CR1L: variants seen among roughly 807,000 people sequenced by gnomAD.
CR1L encodes the protein complement component receptor 1-like protein.
In CR1L, 59 loss-of-function variants were observed where a neutral mutation model predicts 62.3. The ratio of observed to expected loss-of-function variants is 0.95; its 90% CI spans 0.77 to 1.18. The LOEUF is 1.18. Among genes scored for constraint, CR1L ranks in the 50% most tolerant of loss-of-function variants. CR1L has a pLI of 0.00. For missense variants in CR1L, 700 were observed against 702.8 expected (o/e 1.00, Z 0.04); for synonymous variants, 279 against 248.7 (o/e 1.12, Z -1.15).
At chr1:207,662,199 G>A (rs1420234819) in intron 1 of CR1L, among the ~76,000 whole-genome samples, 1 of 152,142 alleles carries the variant, frequency 6.6e-6, no homozygotes, top group Non-Finnish European at 1.5e-5. Context: ...GGCCTGCCTT[G>A]CTAGACTGGG....
At chr1:207,668,308 A>G (rs1055570790) in intron 1 of CR1L, among the ~76,000 whole-genome samples, 1 of 151,230 alleles carries the variant, frequency 6.6e-6, no homozygotes, top group Non-Finnish European at 1.5e-5. Flanking sequence ...AAAATGTGGT[A>G]TATATACACA....
At chr1:207,688,390 G>C (rs1663945242) in intron 4 of CR1L, among the ~76,000 whole-genome samples, 1 of 152,116 alleles carries the variant, frequency 6.6e-6, no homozygotes, top group Non-Finnish European at 1.5e-5. Flanking sequence ...TGGTTTATTT[G>C]CCATACATTG....
intron 3 of CR1L, among the ~76,000 whole-genome samples, chr1:207,680,743 A>G (rs1159366104): frequency 2.6e-5 from 4 of 152,288 alleles, no homozygotes; most frequent in African/African-American, 9.6e-5. Flanking sequence ...CTGCCTTTTT[A>G]TCCTGTGAAT....
rs1326897771 is a variant in CR1L, at chr1:207,683,953, T to A, written c.459T>A (p.Cys153Ter). ...TTTGGGATAATAAAACACCTGTTTG[T>A]GACAGTGAGTTGAAATATGCATTCC... ...TVIWDNKTPVCDRIICGLPPT... is the reference protein window; with the variant it reads ...TVIWDNKTPV Residue 153 changes from cysteine (C) to a stop codon, truncating the protein, a stop_gained, in exon 4 of 12, where the codon TGT becomes TGA. Coordinates refer to ENST00000508064, the MANE Select transcript of CR1L (RefSeq NM_175710.2). LOFTEE classifies it high-confidence loss of function. 1.2e-6 allele frequency: 2 copies of A among 1,612,200 alleles called. No homozygotes were observed. The highest frequency in any genetic ancestry group is 1.7e-5 in the Admixed American group (1 of 60,000).
At chr1:207,705,279 T>C (rs1240900189) in intron 9 of CR1L, among the ~76,000 whole-genome samples, 2 of 152,350 alleles carry the variant, frequency 1.3e-5, no homozygotes, top group East Asian at 1.9e-4. Context: ...TCTGCAAAGA[T>C]TGTATTTCCA....
At chr1:207,687,196 G>A (rs533654504) in intron 4 of CR1L, among the ~76,000 whole-genome samples, 1 of 152,240 alleles carries the variant, frequency 6.6e-6, no homozygotes, top group East Asian at 1.9e-4. Flanking sequence ...CCAGCTGGTA[G>A]TGTTTCATAT....
Position 207,683,954 on chromosome 1 carries a change from G to A in CR1L, c.460G>A (p.Asp154Asn). Residue 154 changes from aspartate (D) to asparagine (N), a missense_variant, in exon 4 of 12, where the codon GAC becomes AAC. Asp to Asn is a conservative substitution (Grantham distance 23). Transcript: ENST00000508064. ...VIWDNKTPVC[D>N]RIICGLPPTI... ...TTGGGATAATAAAACACCTGTTTGT[G>A]ACAGTGAGTTGAAATATGCATTCCT... 3.1e-6 allele frequency: 5 copies of A among 1,612,066 alleles called. No individual in the cohort carries two copies. Among genetic ancestry groups the A allele is most frequent in the Non-Finnish European group, 4.2e-6 (5 of 1,178,586 alleles).
At position 207,717,638 on chromosome 1, in the gene CR1L, G is replaced by A. The variant is rs2102483767; in HGVS notation, c.1589G>A (p.Gly530Glu). The change falls in exon 11 of 12, where the codon GGG (glycine) becomes GAG (glutamate). Residue 530 changes from glycine to glutamate, a missense_variant. Physicochemically the swap from Gly to Glu is moderately conservative, Grantham distance 98. Coordinates refer to ENST00000508064, the MANE Select transcript of CR1L (RefSeq NM_175710.2). The part of the protein sequence containing the change: ...STIRRTSEPH[G>E]NGVWSSPAPR... ...ATCCGCCGCACAAGTGAACCTCATG[G>A]GAATGGGGTTTGGAGCAGCCCTGCC... 1 of 1,613,986 alleles carries A rather than the reference G, an allele frequency of 6.2e-7. No homozygotes were observed. The highest frequency in any genetic ancestry group is 8.5e-7 in the Non-Finnish European group (1 of 1,179,894).
rs1267860946 is a variant in CR1L at position 207,672,195 on chromosome 1, A to G, written c.98-5194A>G. Reference sequence around the variant, plus strand: ...ATTAAAAGTAAATGGGTAAAGATATACCATGCTAATGCTAGTCACAGAAAG... The same window carrying G: ...ATTAAAAGTAAATGGGTAAAGATATGCCATGCTAATGCTAGTCACAGAAAG... On this transcript the variant is annotated intron_variant, in intron 1 of 11. Coordinates refer to ENST00000508064, the MANE Select transcript of CR1L (RefSeq NM_175710.2). 2.7e-5 allele frequency among the ~76,000 whole-genome samples: 4 copies of G among 150,770 alleles called. 1 individual carries two copies. Among genetic ancestry groups the G allele is most frequent in the African/African-American group, 1.0e-4 (4 of 40,132 alleles).
chr1:207,721,489 A>G (rs1475433882), intron 11 of CR1L, among the ~76,000 whole-genome samples: 3 of 150,904 alleles, frequency 2.0e-5, no homozygotes, highest in Admixed American at 6.6e-5. Context: ...ATGTTTTCCA[A>G]TTTCATCCAT....
intron 4 of CR1L, among the ~76,000 whole-genome samples, chr1:207,691,897 G>C (rs1320747056): frequency 1.3e-5 from 2 of 152,328 alleles, no homozygotes; most frequent in South Asian, 4.1e-4. Context: ...AAATCAGGCA[G>C]CCTTCCAAGC....
At chr1:207,700,859 A>C (rs1664179084) in intron 8 of CR1L, among the ~76,000 whole-genome samples, 2 of 152,254 alleles carry the variant, frequency 1.3e-5, no homozygotes, top group African/African-American at 4.8e-5. Context: ...GTAACCCTTC[A>C]AAACGGTTAT....
At chr1:207,715,730 A>T (rs542041597) in intron 10 of CR1L, among the ~76,000 whole-genome samples, 1 of 151,520 alleles carries the variant, frequency 6.6e-6, no homozygotes, top group South Asian at 2.1e-4. Context: ...CTTTTTTGAG[A>T]CAGTTACCCA....
In CR1L at chr1:207,677,448, T is replaced by C. The variant is rs747900861; in HGVS notation, c.157T>C (p.Phe53Leu). 2.5e-6 allele frequency: 4 copies of C among 1,613,834 alleles called. No homozygotes were observed. In the South Asian group the frequency reaches 4.4e-5, roughly 18 times the overall value. ...FARPTNLTDD[F>L]EFPIGTYLNY... is the part of the protein sequence containing the mutation. Reference sequence around the variant, plus strand: ...CAGGCCTACCAACCTAACTGATGACTTTGAGTTTCCCATTGGGACATATCT... The same window carrying C: ...CAGGCCTACCAACCTAACTGATGACCTTGAGTTTCCCATTGGGACATATCT... The change falls in exon 2 of 12, where the codon TTT (phenylalanine) becomes CTT (leucine). Residue 53 changes from phenylalanine (F) to leucine (L), a missense_variant. Transcript: ENST00000508064.
chr1:207,645,221 T>C lies in CR1L; in HGVS notation c.-13T>C, dbSNP rs1472879715. On this transcript the variant is annotated 5_prime_UTR_variant, in exon 1 of 12. Transcript: ENST00000508064. ...TCACCTCCGGATAAATCACGGGGTC[T>C]CCCGCGCCGCTCATGGCGCCTCCCG... 1 of 1,612,324 alleles carries C rather than the reference T, an allele frequency of 6.2e-7. No homozygotes were observed. Among genetic ancestry groups the C allele is most frequent in the Non-Finnish European group, 8.5e-7 (1 of 1,179,796 alleles).
chr1:207,708,263 C>A lies in CR1L; in HGVS notation c.1414C>A (p.Gln472Lys), dbSNP rs372948821. Residue 472 changes from glutamine to lysine, a missense_variant and splice_region_variant, in exon 10 of 12, where the codon CAA (glutamine) becomes AAA (lysine). Transcript: ENST00000508064. ...HWSMKPPICQ[Q>K]IFCPNPPAIL... Reference sequence around the variant, plus strand: ...GAGCATGAAGCCACCAATTTGTCAACGTGAGTTGAAATCTCTTTCCCCATT... The same window carrying A: ...GAGCATGAAGCCACCAATTTGTCAAAGTGAGTTGAAATCTCTTTCCCCATT... The A allele has an allele frequency of 6.8e-6, 11 of 1,611,186 alleles. No homozygotes were observed. In the East Asian group the frequency reaches 1.6e-4, roughly 23 times the overall value.
intron 1 of CR1L, among the ~76,000 whole-genome samples, chr1:207,661,706 T>G (rs1663427417): frequency 6.6e-6 from 1 of 152,192 alleles, no homozygotes; most frequent in African/African-American, 2.4e-5. Flanking sequence ...AGCTGGTTAT[T>G]TTGCTCGTTA....
chr1:207,696,263 T>G (rs1242797467), intron 5 of CR1L, among the ~76,000 whole-genome samples: 2 of 152,216 alleles, frequency 1.3e-5, no homozygotes, highest in Admixed American at 6.5e-5. Flanking sequence ...TTGGCATCGC[T>G]AGAATTGAAG....
chr1:207,665,629 G>A (rs4844387), intron 1 of CR1L, among the ~76,000 whole-genome samples: 61,520 of 151,488 alleles, frequency 0.41, 12,704 homozygotes, highest in African/African-American at 0.48. Context: ...TCCTGACCTC[G>A]TGATCCACCC....
Sources: allele counts gnomAD v4.1 joint callset (sites outside exome capture counted in the v4.1 genomes callset), GRCh38; gene constraint gnomAD v4.1.1; transcripts MANE v1.5; gene names NCBI Gene and HGNC (gene_info 2026-07-23, HGNC 2026-07-21).